PFKFB3: variants seen among roughly 807,000 people sequenced by gnomAD.
The protein encoded by PFKFB3 is 6-phosphofructo-2-kinase/fructose-2,6-bisphosphatase 3.
In PFKFB3, 33 loss-of-function variants were observed where a neutral mutation model predicts 68.0. The observed-to-expected ratio is 0.49, with a 90% CI of 0.37 to 0.65. The LOEUF (loss-of-function observed/expected upper bound fraction) is 0.65, where lower values mean the gene tolerates loss of function less well. Among genes scored for constraint, PFKFB3 ranks in the 30% least tolerant of loss-of-function variants. The pLI is 0.00. For missense variants in PFKFB3, 586 were observed against 712.2 expected (o/e 0.82, Z 2.02); for synonymous variants, 315 against 288.2 (o/e 1.09, Z -0.94).
chr10:6,219,846 G>A (rs953700100), intron 7 of PFKFB3, among the ~76,000 whole-genome samples, 153 bp downstream of exon 7: 26 of 151,786 alleles, frequency 1.7e-4, no homozygotes, highest in African/African-American at 5.8e-4. Flanking sequence ...TATGTTGCCC[G>A]GGCTGGTCTT....
chr10:6,210,356 GTTTTTTTGTT>G (rs1844098995), intron 1 of PFKFB3, among the ~76,000 whole-genome samples: 2 of 44,466 alleles, frequency 4.5e-5, no homozygotes, highest in African/African-American at 9.3e-5. Flanking sequence ...GTTTTTTTTT[GTTTTTTTGTT>G]TTTTTTTTTT....
At chr10:6,324,955 A>G in the PFKFB3 span, among the ~76,000 whole-genome samples, 71,794 of 151,886 alleles carry the variant, frequency 0.47, 19,045 homozygotes, top group Non-Finnish European at 0.6. Flanking sequence ...GATGCATACA[A>G]GTGTTGGCAT....
At chr10:6,187,564 G>A (rs1336296850) in intron 1 of PFKFB3, among the ~76,000 whole-genome samples, 2 of 152,132 alleles carry the variant, frequency 1.3e-5, no homozygotes, top group Non-Finnish European at 2.9e-5. Flanking sequence ...ACGTTGGGCA[G>A]GTCTTTCGTT....
At chr10:6,189,811 G>A (rs1842977393) in intron 1 of PFKFB3, among the ~76,000 whole-genome samples, 1 of 150,796 alleles carries the variant, frequency 6.6e-6, no homozygotes, top group South Asian at 2.1e-4. Context: ...CACTGCACCT[G>A]GCTTGAGGGT....
chr10:6,219,800 T>C (rs1844829148), intron 7 of PFKFB3, 107 bp downstream of exon 7: 3 of 1,232,136 alleles, frequency 2.4e-6, no homozygotes, highest in Non-Finnish European at 2.3e-6. Context: ...AAAAAATTTT[T>C]TTAAGACAGT....
the PFKFB3 span, among the ~76,000 whole-genome samples, chr10:6,290,671 T>C: frequency 2.6e-5 from 4 of 152,148 alleles, no homozygotes; most frequent in African/African-American, 9.6e-5. Flanking sequence ...GCTAACTTTT[T>C]TTTTGTATTG....
the PFKFB3 span, among the ~76,000 whole-genome samples, chr10:6,276,636 C>T: frequency 9.1e-6 from 1 of 110,200 alleles, no homozygotes; most frequent in African/African-American, 3.1e-5. Flanking sequence ...AAGGAAAAAA[C>T]TTGAGGAGTA....
chr10:6,204,130 C>T (rs1211082243), intron 1 of PFKFB3, among the ~76,000 whole-genome samples: 1 of 152,272 alleles, frequency 6.6e-6, no homozygotes, highest in Non-Finnish European at 1.5e-5. Flanking sequence ...CGGTCGCCGC[C>T]CCCGCCACCA....
chr10:6,168,068 G>T (rs181432578), intron 1 of PFKFB3, among the ~76,000 whole-genome samples: 3 of 152,208 alleles, frequency 2.0e-5, no homozygotes, highest in Non-Finnish European at 2.9e-5. Context: ...CTCCAGAGAT[G>T]CTATCTAACC....
chr10:6,280,383 G>C, the PFKFB3 span, among the ~76,000 whole-genome samples: 1 of 152,242 alleles, frequency 6.6e-6, no homozygotes, highest in African/African-American at 2.4e-5. Context: ...CATGGCCCCA[G>C]CCTGTGGAAG....
At chr10:6,204,100 A>C (rs1393637420) in intron 1 of PFKFB3, among the ~76,000 whole-genome samples, 1 of 152,166 alleles carries the variant, frequency 6.6e-6, no homozygotes, top group Non-Finnish European at 1.5e-5. Context: ...ATTGGCTGGC[A>C]GTACCCTGCC....
chr10:6,272,586 T>C, the PFKFB3 span, among the ~76,000 whole-genome samples: 2 of 152,102 alleles, frequency 1.3e-5, no homozygotes, highest in South Asian at 4.2e-4. Flanking sequence ...TCCCAGCTAC[T>C]TGGGAGGCTG....
chr10:6,237,522 A>C (rs949317424), downstream of PFKFB3, among the ~76,000 whole-genome samples: 1 of 152,244 alleles, frequency 6.6e-6, no homozygotes, highest in Admixed American at 6.5e-5. Context: ...CAAAAATTCA[A>C]AGCCTTCTGT....
intron 1 of PFKFB3, among the ~76,000 whole-genome samples, chr10:6,187,836 A>T (rs1842911423): frequency 6.6e-6 from 1 of 152,182 alleles, no homozygotes; most frequent in Admixed American, 6.5e-5. Context: ...TTTTGAAATA[A>T]TTCCAGACTT....
At chr10:6,221,275 T>G in intron 8 of PFKFB3, 106 bp from the exon 9 acceptor site, 1 of 1,377,430 alleles carries the variant, frequency 7.3e-7, no homozygotes, top group Non-Finnish European at 9.9e-7. Flanking sequence ...GCCCCCACGG[T>G]GTAACCAGGT....
At chr10:6,317,785 G>A in the PFKFB3 span, among the ~76,000 whole-genome samples, 3 of 152,284 alleles carry the variant, frequency 2.0e-5, no homozygotes, top group South Asian at 4.1e-4. Flanking sequence ...GGAGACAGAG[G>A]CTGAGGGTGG....
chr10:6,187,569 T>C (rs1054467145), intron 1 of PFKFB3, among the ~76,000 whole-genome samples: 6 of 152,200 alleles, frequency 3.9e-5, no homozygotes, highest in African/African-American at 1.4e-4. Flanking sequence ...GGGCAGGTCT[T>C]TCGTTGTCAG....
chr10:6,191,096 C>A (rs1183563332), intron 1 of PFKFB3, among the ~76,000 whole-genome samples: 1 of 152,066 alleles, frequency 6.6e-6, no homozygotes, highest in Non-Finnish European at 1.5e-5. Flanking sequence ...TCCTGTCTTT[C>A]AACAGTGATC....
chr10:6,241,728 T>A (rs1487921567), intron 14 of PFKFB3, among the ~76,000 whole-genome samples: 2 of 152,244 alleles, frequency 1.3e-5, no homozygotes, highest in African/African-American at 4.8e-5. Flanking sequence ...TGTTTCTCCT[T>A]AATGTTTCAC....
Sources: allele counts gnomAD v4.1 joint callset (sites outside exome capture counted in the v4.1 genomes callset), GRCh38; gene constraint gnomAD v4.1.1; transcripts MANE v1.5; gene names NCBI Gene and HGNC (gene_info 2026-07-23, HGNC 2026-07-21).